Variants in CTTNBP2 observed in about 807,000 individuals in gnomAD.
CTTNBP2 encodes the protein cortactin-binding protein 2.
Under a neutral mutation model 156.9 loss-of-function variants are expected in CTTNBP2, and 108 were observed. That is an observed-to-expected ratio of 0.69 (90% CI 0.59 to 0.81). CTTNBP2 has a LOEUF of 0.81. CTTNBP2 is among the 30% of genes least tolerant of loss of function. The pLI is 0.00. For synonymous variants in CTTNBP2, 767 were observed against 751.8 expected (o/e 1.02, Z -0.33); for missense variants, 1,924 against 2,035.4 (o/e 0.95, Z 1.05).
At chr7:117,818,050 G>A (rs1800725732) in intron 2 of CTTNBP2, among the ~76,000 whole-genome samples, 1 of 152,098 alleles carries the variant, frequency 6.6e-6, no homozygotes, top group African/African-American at 2.4e-5. Flanking sequence ...TTTTAAATCA[G>A]AACAAAGAAA....
At chr7:117,746,953 C>T (rs1041411744) in intron 12 of CTTNBP2, among the ~76,000 whole-genome samples, 1 of 152,058 alleles carries the variant, frequency 6.6e-6, no homozygotes, top group Admixed American at 6.5e-5. Context: ...ATCATCTACA[C>T]AGGGCAAAGG....
intron 3 of CTTNBP2, among the ~76,000 whole-genome samples, chr7:117,809,714 T>C (rs1478025637): frequency 6.6e-6 from 1 of 152,328 alleles, no homozygotes; most frequent in Non-Finnish European, 1.5e-5. Context: ...TATATGTTAA[T>C]GTAAAGATGA....
At chr7:117,830,451 G>GTGAA in intron 2 of CTTNBP2, among the ~76,000 whole-genome samples, 1 of 152,210 alleles carries the variant, frequency 6.6e-6, no homozygotes, top group Non-Finnish European at 1.5e-5. Context: ...CTGCTAGCTT[G>GTGAA]TGAATGAGTG....
intron 2 of CTTNBP2, among the ~76,000 whole-genome samples, chr7:117,851,495 C>T (rs1201174893): frequency 6.6e-6 from 1 of 152,164 alleles, no homozygotes; most frequent in African/African-American, 2.4e-5. Context: ...CAGATTCTTT[C>T]TTTCCCTTTT....
chr7:117,822,918 A>G (rs1308127060), intron 2 of CTTNBP2, among the ~76,000 whole-genome samples: 2 of 151,002 alleles, frequency 1.3e-5, no homozygotes, highest in African/African-American at 4.9e-5. Flanking sequence ...TCAATTAATT[A>G]CTGAGAGAGG....
intron 2 of CTTNBP2, among the ~76,000 whole-genome samples, chr7:117,849,118 G>T (rs1802776786): frequency 6.6e-6 from 1 of 152,160 alleles, no homozygotes; most frequent in South Asian, 2.1e-4. Flanking sequence ...ATGGGCAAAA[G>T]AAAAAGACTA....
At chr7:117,864,164 T>A (rs1320233654) in intron 1 of CTTNBP2, among the ~76,000 whole-genome samples, 1 of 152,100 alleles carries the variant, frequency 6.6e-6, no homozygotes, top group Non-Finnish European at 1.5e-5. Flanking sequence ...AAACTTCTGT[T>A]TTTCTATGTA....
chr7:117,778,655 C>T (rs778926629), intron 7 of CTTNBP2, among the ~76,000 whole-genome samples: 8 of 152,150 alleles, frequency 5.3e-5, no homozygotes, highest in Non-Finnish European at 5.9e-5. Context: ...TTCTAATACA[C>T]TAAAGTTTGA....
chr7:117,814,300 G>C (rs573516995), intron 2 of CTTNBP2, among the ~76,000 whole-genome samples: 4 of 144,886 alleles, frequency 2.8e-5, no homozygotes, highest in South Asian at 4.4e-4. Context: ...TATTTTTGTT[G>C]TGTTTTTTTA....
intron 3 of CTTNBP2, among the ~76,000 whole-genome samples, chr7:117,804,797 AG>A (rs1270908137): frequency 6.6e-6 from 1 of 152,192 alleles, no homozygotes; most frequent in Non-Finnish European, 1.5e-5. Context: ...AGCATCAGGA[AG>A]GATAGCTAAT....
chr7:117,734,885 G>A, intron 16 of CTTNBP2, 28 bp downstream of exon 16: 1 of 1,541,752 alleles, frequency 6.5e-7, no homozygotes, highest in Non-Finnish European at 8.8e-7. Context: ...TGCTCTCCTG[G>A]CAACAGGCTG....
intron 14 of CTTNBP2, among the ~76,000 whole-genome samples, chr7:117,737,436 C>A (rs1795767080): frequency 6.6e-6 from 1 of 152,180 alleles, no homozygotes; most frequent in African/African-American, 2.4e-5. Flanking sequence ...GCTGCTGCAG[C>A]CAGCCAGAAT....
At chr7:117,789,277 A>G (rs1228733929) in intron 4 of CTTNBP2, among the ~76,000 whole-genome samples, 1 of 152,238 alleles carries the variant, frequency 6.6e-6, no homozygotes, top group Non-Finnish European at 1.5e-5. Flanking sequence ...AGTAATGACT[A>G]AGGCAACAAG....
chr7:117,870,212 G>T (rs924770802), intron 1 of CTTNBP2, among the ~76,000 whole-genome samples: 1 of 152,012 alleles, frequency 6.6e-6, no homozygotes, highest in African/African-American at 2.4e-5. Context: ...ATTACTTTAG[G>T]GTAGCAAAGA....
intron 2 of CTTNBP2, among the ~76,000 whole-genome samples, chr7:117,823,984 A>G (rs1464164993): frequency 1.3e-5 from 2 of 151,756 alleles, no homozygotes; most frequent in Non-Finnish European, 2.9e-5. Context: ...TTAGGTGGAA[A>G]TATTTTATAT....
chr7:117,830,465 A>C (rs1485417494), intron 2 of CTTNBP2, among the ~76,000 whole-genome samples: 1 of 152,234 alleles, frequency 6.6e-6, no homozygotes, highest in Non-Finnish European at 1.5e-5. Context: ...ATGAGTGAAC[A>C]GCCAGAGACA....
intron 20 of CTTNBP2, among the ~76,000 whole-genome samples, chr7:117,719,944 T>C (rs1459581699): frequency 6.6e-6 from 1 of 152,170 alleles, no homozygotes; most frequent in Non-Finnish European, 1.5e-5. Flanking sequence ...CACTGTGGCA[T>C]AGGGGACAAT....
chr7:117,820,335 G>A (rs556553285), intron 2 of CTTNBP2, among the ~76,000 whole-genome samples: 1 of 152,300 alleles, frequency 6.6e-6, no homozygotes, highest in Non-Finnish European at 1.5e-5. Flanking sequence ...TCTGCCCTGG[G>A]CACTGAAATA....
chr7:117,778,806 G>C (rs1798249043), intron 7 of CTTNBP2, among the ~76,000 whole-genome samples: 1 of 152,096 alleles, frequency 6.6e-6, no homozygotes, highest in African/African-American at 2.4e-5. Flanking sequence ...CCTTATTTTG[G>C]TGATTTGGTG....
Sources: gnomAD v4.1 joint callset for allele counts (sites outside exome capture counted in the v4.1 genomes callset) on GRCh38, gnomAD v4.1.1 for gene constraint, MANE v1.5 for transcripts, NCBI Gene and HGNC (gene_info 2026-07-23, HGNC 2026-07-21) for gene names.